The following ARL15 variants were observed in gnomAD, a reference collection of about 807,000 sequenced individuals.
The protein encoded by ARL15 is ADP-ribosylation factor-like protein 15.
A neutral mutation model predicts 25.2 loss-of-function variants in ARL15; 19 were observed. The observed-to-expected ratio is 0.75, with a 90% CI of 0.53 to 1.10. ARL15 has a LOEUF of 1.10. ARL15 is among the 50% of genes least tolerant of loss of function. The pLI is 0.00. For synonymous variants in ARL15, 94 were observed against 86.8 expected, an observed-to-expected ratio of 1.08 and a Z score of -0.46; for missense variants, 220 against 246.0, an observed-to-expected ratio of 0.89 and a Z score of 0.71.
intron 4 of ARL15, among the ~76,000 whole-genome samples, chr5:54,034,216 G>T (rs998328977): frequency 1.3e-5 from 2 of 152,158 alleles, no homozygotes; most frequent in Admixed American, 1.3e-4. Context: ...CGTTCCCATT[G>T]TTTTCACTAA....
At chr5:54,103,255 T>C (rs1297676170) in intron 4 of ARL15, among the ~76,000 whole-genome samples, 31 of 152,168 alleles carry the variant, frequency 2.0e-4, no homozygotes, top group Non-Finnish European at 1.5e-5. Context: ...TATTAGATAC[T>C]GTGATAACAA....
At chr5:54,134,757 G>T (rs1321724615) in intron 3 of ARL15, among the ~76,000 whole-genome samples, 2 of 151,482 alleles carry the variant, frequency 1.3e-5, no homozygotes, top group African/African-American at 4.8e-5. Flanking sequence ...GCTAATTTTT[G>T]TGTTTTTAGT....
At chr5:54,116,924 G>T (rs1752916760) in intron 3 of ARL15, among the ~76,000 whole-genome samples, 1 of 152,114 alleles carries the variant, frequency 6.6e-6, no homozygotes, top group African/African-American at 2.4e-5. Flanking sequence ...TAGGAGAAAA[G>T]AAATGGAACC....
At chr5:54,064,684 T>C (rs35225357) in intron 4 of ARL15, among the ~76,000 whole-genome samples, 3,847 of 152,170 alleles carry the variant, frequency 0.025, 59 homozygotes, top group African/African-American at 0.038. Context: ...GGATAATATT[T>C]GCACTGTTCT....
intron 4 of ARL15, among the ~76,000 whole-genome samples, chr5:53,894,724 T>C (rs1744818679): frequency 1.3e-5 from 2 of 152,120 alleles, no homozygotes; most frequent in Non-Finnish European, 2.9e-5. Flanking sequence ...ATCCAGGCCT[T>C]TGCTCCAACT....
intron 1 of ARL15, among the ~76,000 whole-genome samples, chr5:54,295,534 G>T (rs900845601): frequency 7.2e-5 from 11 of 152,064 alleles, no homozygotes; most frequent in African/African-American, 2.4e-4. Context: ...GAGCAATCGC[G>T]TGATCACATC....
At chr5:54,159,888 T>C (rs1257740361) in intron 2 of ARL15, among the ~76,000 whole-genome samples, 1 of 152,258 alleles carries the variant, frequency 6.6e-6, no homozygotes, top group East Asian at 1.9e-4. Context: ...AAAGCATTCC[T>C]GGAATTGTAA....
intron 4 of ARL15, among the ~76,000 whole-genome samples, chr5:53,937,093 C>T (rs1746371310): frequency 6.6e-6 from 1 of 152,162 alleles, no homozygotes; most frequent in Admixed American, 6.5e-5. Context: ...CTGAAAAAAA[C>T]ACCCACTGGT....
At chr5:54,174,821 T>C (rs1754817400) in intron 1 of ARL15, among the ~76,000 whole-genome samples, 1 of 152,242 alleles carries the variant, frequency 6.6e-6, no homozygotes, top group Non-Finnish European at 1.5e-5. Context: ...CCCTCAAAGA[T>C]GGCCATGGCT....
chr5:53,978,424 C>CCTTAGCTTCCCCGAAACTTGTTTTA (rs1748012718), intron 4 of ARL15, among the ~76,000 whole-genome samples: 1 of 151,938 alleles, frequency 6.6e-6, no homozygotes, highest in Non-Finnish European at 1.5e-5. Context: ...TGAAATCTCT[C>CCTTAGCTTCCCCGAAACTTGTTTTA]CTTAGCTTCC....
At chr5:54,108,768 A>G (rs1346589972) in intron 4 of ARL15, among the ~76,000 whole-genome samples, 2 of 152,020 alleles carry the variant, frequency 1.3e-5, no homozygotes, top group Non-Finnish European at 2.9e-5. Context: ...TGTAGAAAGG[A>G]AAAAAAGTAC....
chr5:54,026,295 G>T (rs542201336), intron 4 of ARL15, among the ~76,000 whole-genome samples: 1 of 152,194 alleles, frequency 6.6e-6, no homozygotes, highest in African/African-American at 2.4e-5. Flanking sequence ...TTGAGACAGG[G>T]TCTCACTCTG....
rs115778568 is a variant in ARL15 at position 53,985,531 on chromosome 5, T to C, written c.463-98818A>G. Among the ~76,000 whole-genome samples, 450 of 152,316 alleles carry C rather than the reference T, an allele frequency of 3.0e-3. 2 individuals are homozygous for C. Among genetic ancestry groups the C allele is most frequent in the African/African-American group, 0.01 (430 of 41,574 alleles). On this transcript the variant is annotated intron_variant, in intron 4 of 4. Coordinates refer to ENST00000504924, the MANE Select transcript of ARL15 (RefSeq NM_019087.3). Reference sequence around the variant, plus strand: ...TCTGTCTCTGTGATTTTGACTACTCTGCATTCTTGATTTAAGAGAATCACA... The same window carrying C: ...TCTGTCTCTGTGATTTTGACTACTCCGCATTCTTGATTTAAGAGAATCACA...
chr5:54,174,785 T>G (rs1290108988), intron 1 of ARL15, among the ~76,000 whole-genome samples: 1 of 152,232 alleles, frequency 6.6e-6, no homozygotes, highest in African/African-American at 2.4e-5. Context: ...TTCTCAGAGA[T>G]AGGTTTATTT....
intron 4 of ARL15, among the ~76,000 whole-genome samples, chr5:54,095,219 T>TA (rs1752250270): frequency 6.6e-6 from 1 of 152,068 alleles, no homozygotes. Context: ...TAAGAGGTAT[T>TA]AAAAAAAGGA....
intron 3 of ARL15, among the ~76,000 whole-genome samples, chr5:54,139,684 T>C (rs781581195): frequency 6.6e-6 from 1 of 152,080 alleles, no homozygotes; most frequent in African/African-American, 2.4e-5. Context: ...AATTAAAAAT[T>C]AGCTGAGCAT....
intron 4 of ARL15, among the ~76,000 whole-genome samples, chr5:53,914,220 C>G (rs2111989751): frequency 6.6e-6 from 1 of 152,052 alleles, no homozygotes; most frequent in South Asian, 2.1e-4. Context: ...TTTTTGATCT[C>G]CTTCTCTGAG....
At chr5:54,201,403 C>A (rs1755718389) in intron 1 of ARL15, among the ~76,000 whole-genome samples, 1 of 152,066 alleles carries the variant, frequency 6.6e-6, no homozygotes, top group African/African-American at 2.4e-5. Flanking sequence ...GGCTTCCGAA[C>A]CTTCTCCTAA....
intron 4 of ARL15, among the ~76,000 whole-genome samples, chr5:53,896,335 A>G (rs908121881): frequency 2.6e-5 from 4 of 152,036 alleles, no homozygotes; most frequent in Non-Finnish European, 5.9e-5. Context: ...CGCCCAGCCT[A>G]TTTAATCATT....
Sources: gnomAD v4.1 joint callset for allele counts (sites outside exome capture counted in the v4.1 genomes callset) on GRCh38, gnomAD v4.1.1 for gene constraint, MANE v1.5 for transcripts, NCBI Gene and HGNC (gene_info 2026-07-23, HGNC 2026-07-21) for gene names.